The following SLC2A12 variants were observed in gnomAD, a reference collection of about 807,000 sequenced individuals.
The protein encoded by SLC2A12 is solute carrier family 2 member 12, also known as solute carrier family 2, facilitated glucose transporter member 12.
SLC2A12 carries 23 observed loss-of-function variants against 41.8 expected under a neutral mutation model. The ratio of observed to expected loss-of-function variants is 0.55; its 90% CI spans 0.40 to 0.78. SLC2A12 has a LOEUF of 0.78. Among genes scored for constraint, SLC2A12 ranks in the 30% least tolerant of loss-of-function variants. The pLI is 0.00. For missense variants in SLC2A12, 654 were observed against 745.6 expected (o/e 0.88, Z 1.43); for synonymous variants, 295 against 285.9 (o/e 1.03, Z -0.32).
rs1347599411 is a variant in SLC2A12 at position 134,012,837 on chromosome 6, G to A, written c.1445-5903C>T. Among the ~76,000 whole-genome samples the A allele has an allele frequency of 2.0e-5, 3 of 152,200 alleles. No homozygotes were observed. The East Asian group carries it at 5.8e-4, about 29-fold the overall frequency. ...TTTTAAAAATATAGCCAGGAATGGTGGTGCATGCCTGTAGTCCTAGCTACT... is the reference window on the plus strand; with the variant it reads ...TTTTAAAAATATAGCCAGGAATGGTAGTGCATGCCTGTAGTCCTAGCTACT... On this transcript the variant is annotated intron_variant, in intron 2 of 4. Coordinates refer to ENST00000275230, the MANE Select transcript of SLC2A12 (RefSeq NM_145176.3).
intron 3 of SLC2A12, among the ~76,000 whole-genome samples, chr6:134,002,415 ATG>A (rs1222054946): frequency 7.2e-5 from 11 of 152,150 alleles, no homozygotes; most frequent in African/African-American, 2.4e-4. Context: ...CAAAATGGCA[ATG>A]TGTCTTTATT....
At chr6:133,995,837 C>T (rs1776680526) in intron 4 of SLC2A12, among the ~76,000 whole-genome samples, 1 of 152,230 alleles carries the variant, frequency 6.6e-6, no homozygotes, top group South Asian at 2.1e-4. Flanking sequence ...TACTTCCTAA[C>T]TCATTGTCAA....
At chr6:134,046,764 CTA>C (rs1266105584) in intron 1 of SLC2A12, among the ~76,000 whole-genome samples, 1 of 152,076 alleles carries the variant, frequency 6.6e-6, no homozygotes, top group Non-Finnish European at 1.5e-5. Context: ...TGAGCTGAGG[CTA>C]TACTCCAGCC....
At chr6:133,992,012 T>C (rs549612833) in intron 4 of SLC2A12, among the ~76,000 whole-genome samples, 1 of 152,228 alleles carries the variant, frequency 6.6e-6, no homozygotes, top group South Asian at 2.1e-4. Context: ...ATTATACAGG[T>C]GGCATCTCTC....
rs1339776549 is a variant in SLC2A12, at chr6:133,988,884, T to G, written c.*2271A>C. ...TAATTAACAGTAATAAGTCACCTCCTGTTTTTCAATGTTCACCAAAAAAAG... is the reference window on the plus strand; with the variant it reads ...TAATTAACAGTAATAAGTCACCTCCGGTTTTTCAATGTTCACCAAAAAAAG... On this transcript the variant is annotated 3_prime_UTR_variant, in exon 5 of 5. Coordinates refer to ENST00000275230, the MANE Select transcript of SLC2A12 (RefSeq NM_145176.3). 3 of 152,184 alleles carry G rather than the reference T, an allele frequency of 2.0e-5. No individual in the cohort carries two copies. Among genetic ancestry groups the G allele is most frequent in the Non-Finnish European group, 4.4e-5 (3 of 68,026 alleles). The allele number at this position is 152,184 out of a possible 1,614,324, so 9.4% of individuals were successfully genotyped here.
intron 2 of SLC2A12, among the ~76,000 whole-genome samples, chr6:134,013,073 C>T (rs940878386): frequency 1.3e-5 from 2 of 152,060 alleles, no homozygotes; most frequent in Non-Finnish European, 2.9e-5. Context: ...CTCTACTGTA[C>T]TGCATTTTTA....
rs1776551151 is a variant in SLC2A12 at position 133,987,590 on chromosome 6, G to A, written c.*3565C>T. On this transcript the variant is annotated 3_prime_UTR_variant, in exon 5 of 5. Coordinates refer to ENST00000275230, the MANE Select transcript of SLC2A12 (RefSeq NM_145176.3). The stretch of plus-strand genomic sequence containing the variant: ...AAATCTATGCAAGCTTAAGACTTTG[G>A]CTAAAGTGTGTTGGCTTCTTTTTGA... The A allele has an allele frequency of 1.3e-5, 2 of 149,080 alleles. No individual in the cohort carries two copies. The highest frequency in any genetic ancestry group is 4.3e-4 in the South Asian group (2 of 4,678). The allele number at this position is 149,080 out of a possible 1,614,324, so 9.2% of individuals were successfully genotyped here.
intron 3 of SLC2A12, among the ~76,000 whole-genome samples, chr6:134,006,567 A>G (rs376396691): frequency 6.6e-6 from 1 of 152,156 alleles, no homozygotes; most frequent in Admixed American, 6.5e-5. Flanking sequence ...GAAATTTTTC[A>G]GAAAAAACAA....
chr6:134,045,460 G>A (rs1352100916), intron 1 of SLC2A12, among the ~76,000 whole-genome samples: 1 of 152,216 alleles, frequency 6.6e-6, no homozygotes, highest in Non-Finnish European at 1.5e-5. Flanking sequence ...GAAGAACAGT[G>A]TGGAATCAGA....
intron 1 of SLC2A12, among the ~76,000 whole-genome samples, chr6:134,040,058 G>GTTT (rs11371413): frequency 1.4e-5 from 2 of 139,322 alleles, no homozygotes; most frequent in African/African-American, 2.7e-5. Context: ...GTTGTTTTTT[G>GTTT]TTTTTTTTTT....
intron 4 of SLC2A12, among the ~76,000 whole-genome samples, chr6:134,001,026 C>T (rs1014942714): frequency 1.3e-5 from 2 of 152,056 alleles, no homozygotes; most frequent in East Asian, 3.9e-4. Flanking sequence ...GGTATATCTA[C>T]ACTTCCGGGA....
intron 2 of SLC2A12, among the ~76,000 whole-genome samples, chr6:134,018,750 T>C (rs555890091): frequency 2.8e-4 from 35 of 125,064 alleles, no homozygotes; most frequent in African/African-American, 1.1e-3. Context: ...CATAGGTGTG[T>C]TCATTTTTTT....
chr6:134,037,008 A>T (rs1170989547), intron 1 of SLC2A12, among the ~76,000 whole-genome samples: 1 of 150,156 alleles, frequency 6.7e-6, no homozygotes, highest in East Asian at 2.0e-4. Context: ...CCAGGCACCA[A>T]CTCTCCAGCC....
intron 2 of SLC2A12, among the ~76,000 whole-genome samples, chr6:134,008,436 T>G (rs1241927725): frequency 6.6e-6 from 1 of 152,170 alleles, no homozygotes. Context: ...AGTAGCGTAA[T>G]TATTATTGTT....
At chr6:134,040,819 G>C (rs1777372661) in intron 1 of SLC2A12, among the ~76,000 whole-genome samples, 1 of 152,228 alleles carries the variant, frequency 6.6e-6, no homozygotes, top group South Asian at 2.1e-4. Flanking sequence ...AGATTGACAA[G>C]TGCATGTCTG....
At chr6:134,031,434 A>AG (rs397787843) in intron 1 of SLC2A12, among the ~76,000 whole-genome samples, 7 of 151,642 alleles carry the variant, frequency 4.6e-5, no homozygotes. Context: ...AACAAAAAAA[A>AG]CATTACACTT....
rs77477484 is a variant in SLC2A12 at position 134,010,417 on chromosome 6, C to T, written c.1445-3483G>A. ...ATCCACAGAGCACTTGTAACAGAGA[C>T]ACAGTGAACTCTTCTACAGTGAGCG... On this transcript the variant is annotated intron_variant, in intron 2 of 4. Transcript: ENST00000275230. Among the ~76,000 whole-genome samples, 919 of 152,298 alleles carry T rather than the reference C, an allele frequency of 6.0e-3. 4 individuals carry two copies. Among genetic ancestry groups the T allele is most frequent in the Non-Finnish European group, 0.011 (764 of 68,034 alleles).
intron 2 of SLC2A12, among the ~76,000 whole-genome samples, chr6:134,023,638 AT>A (rs1180141479): frequency 1.3e-5 from 2 of 152,266 alleles, no homozygotes; most frequent in Non-Finnish European, 2.9e-5. Context: ...TTTATAATGC[AT>A]TAGCAAATGT....
At chr6:134,018,293 A>G (rs1245576100) in intron 2 of SLC2A12, among the ~76,000 whole-genome samples, 1 of 152,198 alleles carries the variant, frequency 6.6e-6, no homozygotes, top group Non-Finnish European at 1.5e-5. Context: ...CACTTTATAC[A>G]GATTCCTTCA....
Sources: allele counts gnomAD v4.1 joint callset (sites outside exome capture counted in the v4.1 genomes callset), GRCh38; gene constraint gnomAD v4.1.1; transcripts MANE v1.5; gene names NCBI Gene and HGNC (gene_info 2026-07-23, HGNC 2026-07-21).